MCU: variants seen among roughly 807,000 people sequenced by gnomAD.
The protein encoded by MCU is calcium uniporter protein, mitochondrial.
MCU carries 12 observed loss-of-function variants against 45.2 expected under a neutral mutation model. The observed-to-expected ratio is 0.27, with a 90% CI of 0.17 to 0.43. The LOEUF (loss-of-function observed/expected upper bound fraction) is 0.43. Among genes scored for constraint, MCU ranks in the 20% least tolerant of loss-of-function variants. The probability of loss-of-function intolerance (pLI) is 1.00; values close to 1 mark genes in which losing one functional copy is unlikely to be tolerated. For synonymous variants in MCU, 160 were observed against 165.1 expected (o/e 0.97, Z 0.24); for missense variants, 324 against 436.7 (o/e 0.74, Z 2.30).
At chr10:72,747,505 G>A (rs975108925) in intron 1 of MCU, among the ~76,000 whole-genome samples, 3 of 151,960 alleles carry the variant, frequency 2.0e-5, no homozygotes, top group African/African-American at 7.3e-5. Flanking sequence ...GCCTGCTATT[G>A]GTAATACAAA....
chr10:72,805,157 T>C (rs374884361), intron 1 of MCU, among the ~76,000 whole-genome samples: 1 of 137,912 alleles, frequency 7.3e-6, no homozygotes, highest in African/African-American at 3.1e-5. Flanking sequence ...CTTTCTTTCT[T>C]TCTGTCTCTC....
chr10:72,720,085 C>G (rs1278872231), intron 1 of MCU, among the ~76,000 whole-genome samples: 3 of 152,006 alleles, frequency 2.0e-5, no homozygotes, highest in Non-Finnish European at 2.9e-5. Flanking sequence ...ACTAGGTTGC[C>G]CAGCTGGTCT....
At chr10:72,876,149 G>A (rs765510239) in intron 6 of MCU, among the ~76,000 whole-genome samples, 2 of 151,996 alleles carry the variant, frequency 1.3e-5, no homozygotes, top group African/African-American at 2.4e-5. Context: ...ATTGTACTCC[G>A]GCAAACCACT....
intron 1 of MCU, among the ~76,000 whole-genome samples, chr10:72,718,908 A>C (rs779966955): frequency 1.3e-5 from 2 of 152,236 alleles, no homozygotes; most frequent in Non-Finnish European, 2.9e-5. Context: ...ATTTATATGA[A>C]TTCAAAAGCA....
intron 6 of MCU, among the ~76,000 whole-genome samples, chr10:72,878,126 TTTTTTTTTTTG>T: frequency 7.0e-6 from 1 of 141,848 alleles, no homozygotes; most frequent in African/African-American, 2.7e-5. Context: ...TTTTTTTTTT[TTTTTTTTTTTG>T]AGACAGAGTC....
intron 1 of MCU, among the ~76,000 whole-genome samples, chr10:72,723,751 T>TA (rs997875922): frequency 3.0e-4 from 45 of 152,202 alleles, no homozygotes; most frequent in African/African-American, 1.0e-3. Context: ...AATATATATA[T>TA]TTTTTGGTAG....
At chr10:72,734,809 G>A (rs975858060) in intron 1 of MCU, among the ~76,000 whole-genome samples, 3 of 151,780 alleles carry the variant, frequency 2.0e-5, no homozygotes, top group African/African-American at 7.3e-5. Flanking sequence ...TGTGGAGACA[G>A]GTCTCACTAT....
chr10:72,843,916 G>A (rs1164978583), intron 2 of MCU, among the ~76,000 whole-genome samples: 8 of 152,090 alleles, frequency 5.3e-5, no homozygotes, highest in Non-Finnish European at 5.9e-5. Context: ...ATATTTTTCT[G>A]AGATTATTGT....
At chr10:72,759,362 C>T (rs916789204) in intron 1 of MCU, among the ~76,000 whole-genome samples, 1 of 152,142 alleles carries the variant, frequency 6.6e-6, no homozygotes, top group African/African-American at 2.4e-5. Context: ...CTTTTCTATA[C>T]AATGTCTGTA....
At chr10:72,805,105 T>TTC (rs1413625030) in intron 1 of MCU, among the ~76,000 whole-genome samples, 123 of 91,506 alleles carry the variant, frequency 1.3e-3, no homozygotes, top group African/African-American at 5.5e-3. Flanking sequence ...TTCTTTCTCT[T>TTC]TCTTTCTTTC....
At chr10:72,703,708 C>G (rs979762992) in intron 1 of MCU, among the ~76,000 whole-genome samples, 2 of 152,060 alleles carry the variant, frequency 1.3e-5, no homozygotes, top group African/African-American at 4.8e-5. Flanking sequence ...AGTTTGAGAC[C>G]AGCCTGGGCA....
At chr10:72,820,512 ATT>A (rs532330921) in intron 1 of MCU, among the ~76,000 whole-genome samples, 4 of 139,602 alleles carry the variant, frequency 2.9e-5, no homozygotes, top group Non-Finnish European at 3.1e-5. Flanking sequence ...TTTGATTAGT[ATT>A]TTTTTTTTTT....
rs372894893 is a variant in MCU at position 72,885,751 on chromosome 10, A to G, written c.985A>G (p.Met329Val). Residue 329 changes from methionine to valine, a missense_variant, in exon 8 of 8, where the codon ATG becomes GTG. By Grantham distance (21) the Met-to-Val change is conservative. This residue lies in a region of MCU where 76 missense variants were observed against 99.4 expected (regional missense o/e 0.76). Transcript: ENST00000373053. ...QLKDAIAQAEMDLKRLRDPLQ... is the reference protein window; with the variant it reads ...QLKDAIAQAEVDLKRLRDPLQ... ...CCTTTTGTTTCTATTTTAGGCAGAA[A>G]TGGACCTTAAGAGACTGAGAGACCC... 24 of 1,612,452 alleles carry G rather than the reference A, an allele frequency of 1.5e-5. No homozygotes were observed. Among genetic ancestry groups the G allele is most frequent in the Non-Finnish European group, 2.0e-5 (23 of 1,178,872 alleles).
intron 2 of MCU, among the ~76,000 whole-genome samples, chr10:72,858,945 T>A (rs1845334595): frequency 6.6e-6 from 1 of 152,178 alleles, no homozygotes; most frequent in Non-Finnish European, 1.5e-5. Flanking sequence ...CAGAAGACAG[T>A]TCCTTGCCTG....
At position 72,859,251 on chromosome 10, in the gene MCU, T is replaced by C; in HGVS notation, c.295T>C (p.Phe99Leu). 1 of 1,613,684 alleles carries C rather than the reference T, an allele frequency of 6.2e-7. No homozygotes were observed. ...ACCATCCCGGCGTGAACGCTGTCAG[T>C]TCACACTCAAGCCTATCTCTGACTC... ...RLPSRRERCQ[F>L]TLKPISDSVG... Residue 99 changes from phenylalanine (F) to leucine (L), a missense_variant, in exon 3 of 8, where the codon TTC becomes CTC. Transcript: ENST00000373053.
chr10:72,836,261 A>G (rs1011974274), intron 2 of MCU, among the ~76,000 whole-genome samples: 2 of 152,208 alleles, frequency 1.3e-5, no homozygotes, highest in African/African-American at 4.8e-5. Flanking sequence ...ATATATCAAT[A>G]TATATTCATA....
intron 1 of MCU, among the ~76,000 whole-genome samples, chr10:72,716,457 T>C (rs566002081): frequency 6.6e-6 from 1 of 152,310 alleles, no homozygotes; most frequent in South Asian, 2.1e-4. Context: ...AGCTTCTTTA[T>C]CTTTTCTTTT....
At chr10:72,772,631 AG>A (rs1206465886) in intron 1 of MCU, among the ~76,000 whole-genome samples, 3 of 152,210 alleles carry the variant, frequency 2.0e-5, no homozygotes. Context: ...TGGGAGGCAG[AG>A]GTTGCAATGA....
intron 2 of MCU, among the ~76,000 whole-genome samples, chr10:72,851,488 ATTCTTCAAGGATAGTTTGG>A (rs1845206003): frequency 6.6e-6 from 1 of 152,144 alleles, no homozygotes; most frequent in African/African-American, 2.4e-5. Context: ...GGAGACCAGG[ATTCTTCAAGGATAGTTTGG>A]TGGGCAGGGG....
Sources: gnomAD v4.1 joint callset for allele counts (sites outside exome capture counted in the v4.1 genomes callset) on GRCh38, gnomAD v4.1.1 for gene constraint, gnomAD v4.1.1 regional missense constraint, MANE v1.5 for transcripts, NCBI Gene and HGNC (gene_info 2026-07-23, HGNC 2026-07-21) for gene names.